The following B3GLCT variants were observed in gnomAD, a reference collection of about 807,000 sequenced individuals.
The protein encoded by B3GLCT is beta 3-glucosyltransferase.
Under a neutral mutation model 63.4 loss-of-function variants are expected in B3GLCT, and 65 were observed. The ratio of observed to expected loss-of-function variants is 1.03; its 90% confidence interval spans 0.84 to 1.26. The LOEUF (loss-of-function observed/expected upper bound fraction) is 1.26. Ranked by LOEUF, B3GLCT falls within the 50% of genes most tolerant of loss-of-function variation. The probability of loss-of-function intolerance (pLI) is 0.00; values close to 1 mark genes in which losing one functional copy is unlikely to be tolerated. For missense variants in B3GLCT, 577 were observed against 604.8 expected (o/e 0.95, Z 0.48); for synonymous variants, 233 against 219.2 (o/e 1.06, Z -0.55).
rs181445829 is a variant in B3GLCT at position 31,291,201 on chromosome 13, T to C, written c.1064+4382T>C. 1.9e-3 allele frequency among the ~76,000 whole-genome samples: 293 copies of C among 152,360 alleles called. 3 individuals carry two copies. The highest frequency in any genetic ancestry group is 2.6e-3 in the Non-Finnish European group (175 of 68,022). ...GCCTCTGTTCTATTCCATTGGTCTG[T>C]ATATCTGTTTTGGTACCAGTACCAT... is the stretch of plus-strand genomic sequence containing the variant. On this transcript the variant is annotated intron_variant, in intron 12 of 14. Coordinates refer to ENST00000343307, the MANE Select transcript of B3GLCT (RefSeq NM_194318.4).
At chr13:31,222,712 A>G (rs187860833) in intron 2 of B3GLCT, among the ~76,000 whole-genome samples, 2 of 152,366 alleles carry the variant, frequency 1.3e-5, no homozygotes, top group Non-Finnish European at 2.9e-5. Context: ...GACTTGCCCA[A>G]GATCACATGA....
At chr13:31,255,088 G>A (rs918010123) in intron 6 of B3GLCT, among the ~76,000 whole-genome samples, 1 of 150,636 alleles carries the variant, frequency 6.6e-6, no homozygotes. Flanking sequence ...TCCTTAAGCT[G>A]ATAAGCAACT....
chr13:31,224,162 C>T (rs1453545758), intron 3 of B3GLCT, among the ~76,000 whole-genome samples: 3 of 152,052 alleles, frequency 2.0e-5, no homozygotes, highest in Admixed American at 6.5e-5. Context: ...TTGGGGTCTG[C>T]GAGCAGCTGT....
intron 12 of B3GLCT, among the ~76,000 whole-genome samples, chr13:31,313,583 A>G (rs1874834076): frequency 6.6e-6 from 1 of 152,238 alleles, no homozygotes; most frequent in Non-Finnish European, 1.5e-5. Flanking sequence ...AAAGCATTCA[A>G]GAGCTGACTT....
intron 6 of B3GLCT, among the ~76,000 whole-genome samples, chr13:31,254,170 C>G (rs996239524): frequency 6.6e-6 from 1 of 152,198 alleles, no homozygotes; most frequent in African/African-American, 2.4e-5. Context: ...CTCCCTAACT[C>G]ATTTTATGAG....
intron 2 of B3GLCT, among the ~76,000 whole-genome samples, chr13:31,216,609 A>C (rs1869577413): frequency 6.6e-6 from 1 of 152,064 alleles, no homozygotes; most frequent in Admixed American, 6.5e-5. Flanking sequence ...CCCACCCGCC[A>C]CTCTCAAATA....
chr13:31,313,749 G>A (rs910967388), intron 12 of B3GLCT, among the ~76,000 whole-genome samples: 1 of 152,226 alleles, frequency 6.6e-6, no homozygotes, highest in African/African-American at 2.4e-5. Context: ...GTAGCCGAAT[G>A]TTAATTCCCA....
chr13:31,232,989 A>G (rs1226202961), intron 4 of B3GLCT, among the ~76,000 whole-genome samples: 2 of 152,200 alleles, frequency 1.3e-5, no homozygotes, highest in Non-Finnish European at 2.9e-5. Context: ...CTTTGGCCGT[A>G]TGTACGCATG....
At chr13:31,319,846 T>C (rs908304528) in intron 13 of B3GLCT, among the ~76,000 whole-genome samples, 25 of 152,236 alleles carry the variant, frequency 1.6e-4, no homozygotes, top group African/African-American at 5.8e-4. Context: ...GTTCTTCCAA[T>C]GTCCCCCTCT....
rs144927308 is a variant in B3GLCT, at chr13:31,286,395, T to A, written c.965-325T>A. 1.8e-4 allele frequency among the ~76,000 whole-genome samples: 28 copies of A among 152,292 alleles called. No homozygotes were observed. The East Asian group carries it at 4.8e-3, about 26-fold the overall frequency. Reference sequence around the variant, plus strand: ...GGATGCCATTGCTCATTGCTGTGAGTCTTAAAACTTTCTTGCCTGGACTGA... The same window carrying A: ...GGATGCCATTGCTCATTGCTGTGAGACTTAAAACTTTCTTGCCTGGACTGA... On this transcript the variant is annotated intron_variant, in intron 11 of 14. Transcript: ENST00000343307.
rs531369095 is a variant in B3GLCT at position 31,284,620 on chromosome 13, G to T, written c.851-28G>T. On this transcript the variant is annotated intron_variant, in intron 10 of 14. Transcript: ENST00000343307. The stretch of plus-strand genomic sequence containing the variant: ...TAAGCTTCCTTGTGTAACTGTGCCA[G>T]TGATTGTCACCTCTGTAATTTTTTC... 491 of 1,257,116 alleles carry T rather than the reference G, an allele frequency of 3.9e-4. 4 individuals are homozygous for T. In the South Asian group the frequency reaches 5.6e-3, roughly 14 times the overall value. 77.9% of individuals were successfully genotyped at this position (1,257,116 alleles called of 1,614,324 possible).
rs138903512 is a variant in B3GLCT at position 31,238,237 on chromosome 13, G to T, written c.271-8786G>T. Among the ~76,000 whole-genome samples, 140 of 152,314 alleles carry T rather than the reference G, an allele frequency of 9.2e-4. 3 individuals carry two copies. The East Asian group carries it at 0.011, about 12-fold the overall frequency. On this transcript the variant is annotated intron_variant, in intron 4 of 14. Transcript: ENST00000343307. ...CTAAAATGCAGCCTTATTAAAAACG[G>T]AAACATTTTTCATCATTACAGCATG...
chr13:31,272,832 CTCA>C (rs1872630050), intron 8 of B3GLCT, among the ~76,000 whole-genome samples: 1 of 152,062 alleles, frequency 6.6e-6, no homozygotes, highest in South Asian at 2.1e-4. Flanking sequence ...TTTTTATTAA[CTCA>C]TCATATATTT....
chr13:31,200,513 G>A (rs1304413348), intron 1 of B3GLCT, among the ~76,000 whole-genome samples: 1 of 150,332 alleles, frequency 6.7e-6, no homozygotes, highest in African/African-American at 2.4e-5. Flanking sequence ...CAGGAACTGT[G>A]CCACCGAAGA....
chr13:31,226,693 C>T (rs1461524083), intron 3 of B3GLCT, among the ~76,000 whole-genome samples: 5 of 151,962 alleles, frequency 3.3e-5, no homozygotes, highest in South Asian at 4.2e-4. Flanking sequence ...CTTCAGCTTC[C>T]CAAGTAGCTG....
chr13:31,325,765 A>G (rs1875574176), intron 14 of B3GLCT, among the ~76,000 whole-genome samples: 1 of 152,234 alleles, frequency 6.6e-6, no homozygotes, highest in Admixed American at 6.5e-5. Context: ...TTAAACACTG[A>G]TCCAAACTGT....
chr13:31,327,242 G>A (rs1286464775), intron 14 of B3GLCT, among the ~76,000 whole-genome samples: 1 of 152,214 alleles, frequency 6.6e-6, no homozygotes, highest in Non-Finnish European at 1.5e-5. Context: ...CCATATGCCA[G>A]CATCACTACT....
At chr13:31,232,093 A>G (rs1204276980) in intron 4 of B3GLCT, among the ~76,000 whole-genome samples, 1 of 152,200 alleles carries the variant, frequency 6.6e-6, no homozygotes, top group African/African-American at 2.4e-5. Context: ...TTGTGCCAAG[A>G]CAGTTGCACC....
At chr13:31,240,607 T>C (rs746332371) in intron 4 of B3GLCT, among the ~76,000 whole-genome samples, 3 of 152,110 alleles carry the variant, frequency 2.0e-5, no homozygotes, top group Non-Finnish European at 2.9e-5. Flanking sequence ...TTCAGAATTT[T>C]TTTTTATTCA....
Sources: gnomAD v4.1 joint callset for allele counts (sites outside exome capture counted in the v4.1 genomes callset) on GRCh38, gnomAD v4.1.1 for gene constraint, MANE v1.5 for transcripts, NCBI Gene and HGNC (gene_info 2026-07-23, HGNC 2026-07-21) for gene names.